The following TNFRSF10A variants were observed in gnomAD, a reference collection of about 807,000 sequenced individuals.
TNFRSF10A encodes TNF receptor superfamily member 10a.
Under a neutral mutation model 42.8 loss-of-function variants are expected in TNFRSF10A, and 44 were observed. The observed-to-expected ratio is 1.03, with a 90% CI of 0.81 to 1.32. The LOEUF is 1.32. Among genes scored for constraint, TNFRSF10A ranks in the 40% most tolerant of loss-of-function variants. The pLI is 0.00. For synonymous variants in TNFRSF10A, 259 were observed against 234.2 expected (o/e 1.11, Z -0.97); for missense variants, 680 against 602.0 (o/e 1.13, Z -1.36).
At position 23,212,211 on chromosome 8, in the gene TNFRSF10A, A is replaced by T. The variant is rs1275952715; in HGVS notation, c.308T>A (p.Val103Asp). The T allele has an allele frequency of 1.9e-6, 3 of 1,612,908 alleles. No homozygotes were observed. The highest frequency in any genetic ancestry group is 2.5e-6 in the Non-Finnish European group (3 of 1,179,284). ...GATGGTTGCAGCTGAGCTAGGTACG[A>T]CCTGTGGGGACAAAGCAGGGACTGG... ...KFVVVGVLLQ[V>D]VPSSAATIKL... The change falls in exon 2 of 10, where the codon GTC becomes GAC. Residue 103 changes from valine to aspartate, a missense_variant and splice_region_variant. Val to Asp is a radical substitution (Grantham distance 152). Coordinates refer to ENST00000221132, the MANE Select transcript of TNFRSF10A (RefSeq NM_003844.4).
chr8:23,192,110 C>T (rs1403861911), intron 9 of TNFRSF10A, 97 bp from the exon 10 acceptor site: 2 of 1,501,448 alleles, frequency 1.3e-6, no homozygotes, highest in African/African-American at 1.4e-5. Flanking sequence ...AAGGAGAGAA[C>T]CTGGAGAGCC....
intron 8 of TNFRSF10A, among the ~76,000 whole-genome samples, chr8:23,198,440 T>C (rs1434748638): frequency 6.6e-6 from 1 of 152,032 alleles, no homozygotes; most frequent in Non-Finnish European, 1.5e-5. Context: ...CTGAAAATAT[T>C]AGAACAAAAA....
intron 2 of TNFRSF10A, among the ~76,000 whole-genome samples, chr8:23,208,299 A>G (rs1214241416): frequency 2.0e-5 from 3 of 152,206 alleles, no homozygotes; most frequent in African/African-American, 7.2e-5. Context: ...TATGTGGCAG[A>G]AGAAATTTCT....
chr8:23,214,035 AT>A (rs1447474429), intron 1 of TNFRSF10A, among the ~76,000 whole-genome samples: 1 of 148,634 alleles, frequency 6.7e-6, no homozygotes, highest in Admixed American at 6.8e-5. Context: ...GTCTCAAGAT[AT>A]TTTCTTTCTT....
In TNFRSF10A at chr8:23,225,002, G is replaced by A. The variant is rs375763374; in HGVS notation, c.60C>T (p.Pro20=). ...LGAFLAVTPN[P]GSAASGTEAA... is the part of the protein sequence containing the mutation. Reference sequence around the variant, plus strand: ...CCTCTGTCCCACTCGCTGCGCTCCCGGGATTCGGAGTCACTGCCAGGAACG... The same window carrying A: ...CCTCTGTCCCACTCGCTGCGCTCCCAGGATTCGGAGTCACTGCCAGGAACG... The change falls in exon 1 of 10, where the codon CCC becomes CCT. Residue 20 remains proline (P), a synonymous_variant. Transcript: ENST00000221132. The A allele has an allele frequency of 2.8e-5, 45 of 1,588,128 alleles. No individual in the cohort carries two copies. The highest frequency in any genetic ancestry group is 2.7e-4 in the East Asian group (12 of 44,254).
chr8:23,203,901 C>T (rs770690153), intron 2 of TNFRSF10A, among the ~76,000 whole-genome samples: 3 of 151,950 alleles, frequency 2.0e-5, no homozygotes, highest in Non-Finnish European at 4.4e-5. Flanking sequence ...CTCAGCCTCC[C>T]GAGTAGCTGG....
At position 23,199,905 on chromosome 8, in the gene TNFRSF10A, T is replaced by G; in HGVS notation, c.812A>C (p.Asp271Ala). The G allele has an allele frequency of 6.2e-7, 1 of 1,613,864 alleles. No individual in the cohort carries two copies. Reference protein sequence around the residue: ...CCCIGSGCGGDPKCMDRVCFW... With the variant: ...CCCIGSGCGGAPKCMDRVCFW... ...ACTCACCCTGTCCATGCACTTGGGG[T>G]CCCCTCCACAACCTAGAAGAGAAGA... The change falls in exon 7 of 10, where the codon GAC becomes GCC. Residue 271 changes from aspartate (D) to alanine (A), a missense_variant. Physicochemically the swap from Asp to Ala is moderately radical, Grantham distance 126. Transcript: ENST00000221132.
At chr8:23,221,205 G>C (rs1401034852) in intron 1 of TNFRSF10A, among the ~76,000 whole-genome samples, 1 of 152,132 alleles carries the variant, frequency 6.6e-6, no homozygotes, top group Non-Finnish European at 1.5e-5. Context: ...CTGAGCATGT[G>C]ATTTGTCCTC....
intron 8 of TNFRSF10A, among the ~76,000 whole-genome samples, chr8:23,197,867 G>T (rs1800846916): frequency 6.6e-6 from 1 of 152,186 alleles, no homozygotes; most frequent in Admixed American, 6.5e-5. Context: ...TGAGGAAAAA[G>T]ACCCAGGGCA....
Position 23,224,772 on chromosome 8 carries a change from A to T in TNFRSF10A, c.290T>A (p.Val97Asp). The T allele has an allele frequency of 2.6e-6, 4 of 1,568,014 alleles. No homozygotes were observed. The highest frequency in any genetic ancestry group is 3.5e-6 in the Non-Finnish European group (4 of 1,156,618). The stretch of plus-strand genomic sequence containing the variant: ...GGGACTCACCTGCAGCAGGACCCCG[A>T]CGACGACAAACTTGAAGGTCTTGTG... The part of the protein sequence containing the change: ...RVHKTFKFVV[V>D]GVLLQVVPSS... The change falls in exon 1 of 10, where the codon GTC becomes GAC. Residue 97 changes from valine (V) to aspartate (D), a missense_variant. Physicochemically the swap from Val to Asp is radical, Grantham distance 152 (BLOSUM62 -3). Transcript: ENST00000221132.
intron 1 of TNFRSF10A, among the ~76,000 whole-genome samples, chr8:23,217,590 G>A: frequency 6.6e-6 from 1 of 152,196 alleles, no homozygotes; most frequent in East Asian, 1.9e-4. Context: ...ACCTGACAAC[G>A]AGCTCCTGGT....
intron 2 of TNFRSF10A, 34 bp from the exon 3 acceptor site, chr8:23,202,795 G>T: frequency 1.4e-6 from 2 of 1,470,106 alleles, no homozygotes; most frequent in Non-Finnish European, 1.9e-6. Flanking sequence ...TGAATGAATT[G>T]CCACAGAGTT....
At chr8:23,211,096 G>C (rs1414062965) in intron 2 of TNFRSF10A, among the ~76,000 whole-genome samples, 2 of 152,048 alleles carry the variant, frequency 1.3e-5, no homozygotes, top group Non-Finnish European at 1.5e-5. Flanking sequence ...CATCCAGATT[G>C]GAAAAGAAAA....
chr8:23,201,142 C>T (rs1033807290), intron 4 of TNFRSF10A, among the ~76,000 whole-genome samples: 25 of 152,196 alleles, frequency 1.6e-4, no homozygotes, highest in African/African-American at 4.8e-4. Flanking sequence ...TACAAGTGAG[C>T]CCTCGCCCCC....
chr8:23,197,233 T>A (rs765517014), intron 8 of TNFRSF10A, 29 bp from the exon 9 acceptor site: 17 of 1,613,812 alleles, frequency 1.1e-5, no homozygotes, highest in Non-Finnish European at 1.4e-5. Context: ...AATGCCTTGG[T>A]CTGAGTCAGG....
At chr8:23,193,668 G>T (rs1434378114) in intron 9 of TNFRSF10A, among the ~76,000 whole-genome samples, 3 of 152,060 alleles carry the variant, frequency 2.0e-5, no homozygotes, top group Non-Finnish European at 1.5e-5. Context: ...AGCAATTTTT[G>T]TTGGCAGGTT....
chr8:23,207,503 C>T (rs1241571902), intron 2 of TNFRSF10A: 3 of 342,378 alleles, frequency 8.8e-6, no homozygotes, highest in African/African-American at 4.3e-5. Context: ...TTCAGAAACC[C>T]TTTTTAAAGA....
chr8:23,197,002 C>G (rs1585279386), intron 9 of TNFRSF10A, 130 bp downstream of exon 9: 1 of 1,209,820 alleles, frequency 8.3e-7, no homozygotes, highest in East Asian at 2.3e-5. Context: ...TCTTGATGGT[C>G]TATAGCATAG....
At chr8:23,205,377 T>G (rs1447491193) in intron 2 of TNFRSF10A, among the ~76,000 whole-genome samples, 1 of 152,226 alleles carries the variant, frequency 6.6e-6, no homozygotes, top group Non-Finnish European at 1.5e-5. Context: ...TAAACAAACC[T>G]ACTTCACTGC....
Sources: gnomAD v4.1 joint callset for allele counts (sites outside exome capture counted in the v4.1 genomes callset) on GRCh38, gnomAD v4.1.1 for gene constraint, MANE v1.5 for transcripts, NCBI Gene and HGNC (gene_info 2026-07-23, HGNC 2026-07-21) for gene names.